Variants in PDE4DIP observed in about 807,000 individuals in gnomAD.
PDE4DIP encodes the protein myomegalin.
Under a neutral mutation model 221.4 loss-of-function variants are expected in PDE4DIP, and 59 were observed. The ratio of observed to expected loss-of-function variants is 0.27; its 90% CI spans 0.22 to 0.33. The LOEUF is 0.33. Among genes scored for constraint, PDE4DIP ranks in the 10% least tolerant of loss-of-function variants. PDE4DIP has a pLI of 1.00. For synonymous variants in PDE4DIP, 404 were observed against 815.9 expected (o/e 0.50, Z 8.60); for missense variants, 1,036 against 2,154.2 (o/e 0.48, Z 10.28).
At chr1:148,914,929 A>G (rs1268858714) in intron 1 of PDE4DIP, among the ~76,000 whole-genome samples, 1 of 133,540 alleles carries the variant, frequency 7.5e-6, no homozygotes, top group Non-Finnish European at 1.6e-5. Context: ...ATATTGATAA[A>G]GAGAAGCAGG....
chr1:149,009,623 C>G, exon 30 of PDE4DIP: 1 of 1,614,062 alleles, frequency 6.2e-7, no homozygotes, highest in South Asian at 1.1e-5. Flanking sequence ...GCAGGCCAAG[C>G]TGGATGCTCG....
rs2985371 is a variant in PDE4DIP at position 148,919,320 on chromosome 1, C to T, written c.142-9877C>T. Among the ~76,000 whole-genome samples, 7 of 151,574 alleles carry T rather than the reference C, an allele frequency of 4.6e-5. No homozygotes were observed. In the South Asian group the frequency reaches 1.5e-3, roughly 32 times the overall value. On this transcript the variant is annotated intron_variant, in intron 1 of 43. Transcript: ENST00000369354. ...GTAAATCAAGTTAATTGTATAAAAG[C>T]ATAAAGCTTTGGGGACGACCAGTTT... is the stretch of plus-strand genomic sequence containing the variant.
chr1:148,969,838 C>T (rs1276852535), intron 14 of PDE4DIP, among the ~76,000 whole-genome samples: 16 of 151,820 alleles, frequency 1.1e-4, no homozygotes, highest in Admixed American at 1.1e-3. Context: ...TCCCAAGTAG[C>T]TGGGATTACA....
intron 1 of PDE4DIP, among the ~76,000 whole-genome samples, chr1:148,822,335 C>T: frequency 8.2e-6 from 1 of 122,258 alleles, no homozygotes; most frequent in Non-Finnish European, 1.8e-5. Flanking sequence ...AGGACCCCGG[C>T]TGCATAGCAG....
chr1:149,012,829 C>T, intron 32 of PDE4DIP, 53 bp downstream of exon 35: 2 of 1,070,850 alleles, frequency 1.9e-6, no homozygotes, highest in Non-Finnish European at 2.7e-6. Flanking sequence ...CACTGTGTTG[C>T]TCTGCATGGC....
chr1:148,877,006 C>A (rs1450276653), intron 3 of PDE4DIP, among the ~76,000 whole-genome samples: 2 of 143,160 alleles, frequency 1.4e-5, no homozygotes, highest in Non-Finnish European at 3.0e-5. Context: ...AGCTAGACTC[C>A]GTCTCAAAAA....
intron 1 of PDE4DIP, among the ~76,000 whole-genome samples, chr1:148,820,309 G>A (rs1668730351): frequency 7.8e-6 from 1 of 128,600 alleles, no homozygotes; most frequent in African/African-American, 3.0e-5. Context: ...GCTCACGCCT[G>A]TAATCCCAGC....
At chr1:148,954,066 G>A (rs1262662611) in intron 5 of PDE4DIP, among the ~76,000 whole-genome samples, 3 of 152,196 alleles carry the variant, frequency 2.0e-5, no homozygotes, top group Non-Finnish European at 4.4e-5. Flanking sequence ...TTTAGTAAAC[G>A]TGATTTGCAC....
intron 19 of PDE4DIP, among the ~76,000 whole-genome samples, chr1:148,979,152 A>C (rs1162781838): frequency 6.6e-6 from 1 of 151,680 alleles, no homozygotes; most frequent in Non-Finnish European, 1.5e-5. Context: ...ACTTGCCTGT[A>C]CTCCCTGTCT....
chr1:148,869,801 A>AC (rs1688486653), intron 3 of PDE4DIP, among the ~76,000 whole-genome samples: 1 of 118,954 alleles, frequency 8.4e-6, no homozygotes, highest in Non-Finnish European at 1.7e-5. Context: ...AAAAAAAAAA[A>AC]GGAAGAAAGA....
At chr1:148,954,263 T>G (rs2054548655) in intron 5 of PDE4DIP, among the ~76,000 whole-genome samples, 2 of 152,192 alleles carry the variant, frequency 1.3e-5, no homozygotes, top group South Asian at 2.1e-4. Context: ...TTCCAACTTT[T>G]AAAATTTGTT....
At chr1:148,970,671 C>T (rs1440484091) in intron 14 of PDE4DIP, among the ~76,000 whole-genome samples, 9 of 152,136 alleles carry the variant, frequency 5.9e-5, no homozygotes, top group Admixed American at 2.6e-4. Flanking sequence ...GCTGCAGGTT[C>T]GGGGACTGCA....
At chr1:148,951,881 GC>G (rs1352848206) in intron 5 of PDE4DIP, 1 of 200,076 alleles carries the variant, frequency 5.0e-6, no homozygotes, top group Non-Finnish European at 9.0e-6. Flanking sequence ...GGGTTGCACG[GC>G]CCCGCCCCTC....
In PDE4DIP at chr1:149,028,697, C is replaced by T. The variant is rs782173881; in HGVS notation, c.6807C>T (p.Gly2269=). The T allele has an allele frequency of 7.0e-6, 11 of 1,578,334 alleles. No homozygotes were observed. The South Asian group carries it at 9.0e-5, about 13-fold the overall frequency. ...GCACCCACATCCCTGTGCTGCCTGGCAAAGTGGTAAGATGCCAGTGCCCTT... is the reference window on the plus strand; with the variant it reads ...GCACCCACATCCCTGTGCTGCCTGGTAAAGTGGTAAGATGCCAGTGCCCTT... The change falls in exon 41 of 44, where the codon GGC becomes GGT. Residue 2269 remains glycine (G), a synonymous_variant. Coordinates refer to ENST00000369354, the Ensembl canonical transcript of PDE4DIP.
chr1:148,885,510 A>G (rs1191030761), upstream of PDE4DIP, among the ~76,000 whole-genome samples: 1 of 125,138 alleles, frequency 8.0e-6, no homozygotes, highest in Non-Finnish European at 1.8e-5. Flanking sequence ...AGAGGCAAGA[A>G]GAGGGTGTAG....
At chr1:148,944,828 G>A (rs1357961021) in intron 5 of PDE4DIP, among the ~76,000 whole-genome samples, 1 of 152,148 alleles carries the variant, frequency 6.6e-6, no homozygotes, top group East Asian at 1.9e-4. Flanking sequence ...CCAAGATAGT[G>A]CCACTGCACT....
chr1:148,984,957 TGTA>T lies in PDE4DIP; in HGVS notation c.2815+3564_2815+3566del, dbSNP rs2061659854. The T allele has an allele frequency of 2.0e-5, 3 of 152,064 alleles. No individual in the cohort carries two copies. The South Asian group carries it at 6.2e-4, about 32-fold the overall frequency. 9.4% of individuals were successfully genotyped at this position (152,064 alleles called of 1,614,324 possible). A position where few individuals can be genotyped will look rare whatever the true frequency, so the allele number is the denominator to read the frequency against. Reference sequence around the variant, plus strand: ...AGTGGCCTTTTCAAGTAGGGTATCATGTAGTATTCTGCAGGTTTACAGTCAGTA... The same window carrying T: ...AGTGGCCTTTTCAAGTAGGGTATCATGTATTCTGCAGGTTTACAGTCAGTA... On this transcript the variant is annotated intron_variant, in intron 21 of 43. Transcript: ENST00000369354.
chr1:148,967,769 A>C (rs1553520176), exon 13 of PDE4DIP: 1 of 1,508,438 alleles, frequency 6.6e-7, no homozygotes, highest in South Asian at 1.1e-5. Context: ...GAAGTGGAAC[A>C]GTTATCTACT....
chr1:148,917,160 G>A (rs1778638), intron 1 of PDE4DIP, among the ~76,000 whole-genome samples: 1 of 149,914 alleles, frequency 6.7e-6, no homozygotes, highest in Non-Finnish European at 1.5e-5. Flanking sequence ...TTTTCTCACT[G>A]GCCAGCTCAG....
Sources: allele counts gnomAD v4.1 joint callset (sites outside exome capture counted in the v4.1 genomes callset), GRCh38; gene constraint gnomAD v4.1.1; transcripts MANE v1.5; gene names NCBI Gene and HGNC (gene_info 2026-07-23, HGNC 2026-07-21).